Variants in ZNF532 observed in about 807,000 individuals in gnomAD.
The protein encoded by ZNF532 is zinc finger protein 532.
A neutral mutation model predicts 89.3 loss-of-function variants in ZNF532; 22 were observed. The ratio of observed to expected loss-of-function variants is 0.25; its 90% confidence interval spans 0.18 to 0.35. The LOEUF (loss-of-function observed/expected upper bound fraction) is 0.35, where lower values mean the gene tolerates loss of function less well. Ranked by LOEUF, ZNF532 falls within the 10% of genes least tolerant of loss-of-function variation. ZNF532 has a pLI of 1.00. For missense variants in ZNF532, 1,132 were observed against 1,643.4 expected, an observed-to-expected ratio of 0.69 and a Z score of 5.38; for synonymous variants, 606 against 649.6, an observed-to-expected ratio of 0.93 and a Z score of 1.02.
At chr18:58,944,259 GGA>G (rs2063464154) in intron 5 of ZNF532, among the ~76,000 whole-genome samples, 1 of 152,170 alleles carries the variant, frequency 6.6e-6, no homozygotes, top group Non-Finnish European at 1.5e-5. Context: ...GAAGTATTCT[GGA>G]GAGTTTGTTG....
chr18:58,887,221 G>C (rs977173411), intron 2 of ZNF532, among the ~76,000 whole-genome samples: 7 of 152,250 alleles, frequency 4.6e-5, no homozygotes, highest in Admixed American at 6.5e-5. Flanking sequence ...GTCTCCTGCA[G>C]TGGTTTGGTA....
At chr18:58,866,072 C>G (rs547158273) in intron 2 of ZNF532, among the ~76,000 whole-genome samples, 5 of 152,272 alleles carry the variant, frequency 3.3e-5, no homozygotes, top group African/African-American at 1.2e-4. Context: ...TTCACTCCGA[C>G]TCAAGTGGTG....
chr18:58,889,063 T>G (rs2058707127), intron 2 of ZNF532, among the ~76,000 whole-genome samples: 1 of 149,310 alleles, frequency 6.7e-6, no homozygotes, highest in African/African-American at 2.5e-5. Flanking sequence ...AATGAGCATT[T>G]GAGTGTTAAT....
chr18:58,871,250 C>T (rs1027068256), intron 2 of ZNF532, among the ~76,000 whole-genome samples: 11 of 152,092 alleles, frequency 7.2e-5, no homozygotes, highest in Non-Finnish European at 1.5e-4. Context: ...TAAACCTTTT[C>T]TTAGAGGTGG....
intron 2 of ZNF532, among the ~76,000 whole-genome samples, chr18:58,906,639 G>T (rs1339031623): frequency 6.6e-6 from 1 of 152,126 alleles, no homozygotes; most frequent in African/African-American, 2.4e-5. Flanking sequence ...CCGGTGCTGG[G>T]TTCACCTTCT....
At chr18:58,962,107 T>A (rs897254002) in intron 7 of ZNF532, among the ~76,000 whole-genome samples, 2 of 151,944 alleles carry the variant, frequency 1.3e-5, no homozygotes, top group Non-Finnish European at 2.9e-5. Flanking sequence ...GCATCTGTAG[T>A]CCCAGCTACT....
chr18:58,982,601 A>C (rs1204142655), intron 9 of ZNF532, among the ~76,000 whole-genome samples: 1 of 152,184 alleles, frequency 6.6e-6, no homozygotes, highest in African/African-American at 2.4e-5. Flanking sequence ...TAGTCTAGGC[A>C]ATAGAACGAG....
At chr18:58,871,176 A>G (rs927811053) in intron 2 of ZNF532, among the ~76,000 whole-genome samples, 1 of 152,176 alleles carries the variant, frequency 6.6e-6, no homozygotes, top group Admixed American at 6.5e-5. Context: ...AAATGTAGCT[A>G]AAACCTGCAG....
intron 7 of ZNF532, among the ~76,000 whole-genome samples, chr18:58,977,145 C>A (rs1182948739): frequency 6.6e-6 from 1 of 152,078 alleles, no homozygotes; most frequent in African/African-American, 2.4e-5. Flanking sequence ...TTCTCCTTTG[C>A]CCTTGTTTGG....
chr18:58,939,257 A>AC, intron 4 of ZNF532, among the ~76,000 whole-genome samples, 188 bp from the exon 5 acceptor site: 2 of 146,504 alleles, frequency 1.4e-5, no homozygotes, highest in Non-Finnish European at 3.0e-5. Flanking sequence ...AAAAAAAAAA[A>AC]AAAAAAAAAA....
intron 2 of ZNF532, among the ~76,000 whole-genome samples, chr18:58,879,248 T>C (rs927313276): frequency 6.6e-6 from 1 of 152,202 alleles, no homozygotes; most frequent in East Asian, 1.9e-4. Flanking sequence ...ATGCGATGCT[T>C]TCTAGAGAAT....
intron 3 of ZNF532, among the ~76,000 whole-genome samples, chr18:58,932,845 C>T (rs371620410): frequency 1.2e-4 from 19 of 152,146 alleles, no homozygotes; most frequent in African/African-American, 4.3e-4. Flanking sequence ...TATACACACA[C>T]ATGCATGTAC....
At chr18:58,874,022 C>T (rs1450276252) in intron 2 of ZNF532, among the ~76,000 whole-genome samples, 1 of 152,148 alleles carries the variant, frequency 6.6e-6, no homozygotes, top group Non-Finnish European at 1.5e-5. Flanking sequence ...GTGGTGAGCC[C>T]TTCCTACAAT....
At chr18:58,951,645 T>TGTTGTTTTTTTTG (rs2064171440) in intron 6 of ZNF532, among the ~76,000 whole-genome samples, 1 of 88,934 alleles carries the variant, frequency 1.1e-5, no homozygotes, top group Non-Finnish European at 2.0e-5. Flanking sequence ...CTCGCCCTGT[T>TGTTGTTTTTTTTG]GTTTTTTTTT....
chr18:58,916,918 A>G (rs1191882339), intron 2 of ZNF532, among the ~76,000 whole-genome samples: 1 of 152,220 alleles, frequency 6.6e-6, no homozygotes. Flanking sequence ...AAGATGTGGA[A>G]GGAGGCAACG....
chr18:58,949,691 A>G (rs1214961637), intron 6 of ZNF532, among the ~76,000 whole-genome samples: 1 of 152,210 alleles, frequency 6.6e-6, no homozygotes. Flanking sequence ...CAAACAAACA[A>G]AAAGTTACAC....
chr18:58,929,374 G>A (rs142766263), intron 3 of ZNF532, among the ~76,000 whole-genome samples: 1 of 152,278 alleles, frequency 6.6e-6, no homozygotes, highest in East Asian at 1.9e-4. Context: ...ATTCTCGTGA[G>A]CAGCCTCTGC....
chr18:58,951,924 C>T (rs190047639), intron 6 of ZNF532, among the ~76,000 whole-genome samples: 466 of 152,262 alleles, frequency 3.1e-3, no homozygotes, highest in Middle Eastern at 6.8e-3. Flanking sequence ...GCTGGGATTA[C>T]AGGCGTGAGC....
At chr18:58,867,586 G>T (rs1032680689) in intron 2 of ZNF532, among the ~76,000 whole-genome samples, 1 of 152,132 alleles carries the variant, frequency 6.6e-6, no homozygotes, top group Non-Finnish European at 1.5e-5. Context: ...GGAGAGCCAG[G>T]GGGGACCCGG....
Sources: allele counts gnomAD v4.1 joint callset (sites outside exome capture counted in the v4.1 genomes callset), GRCh38; gene constraint gnomAD v4.1.1; transcripts MANE v1.5; gene names NCBI Gene and HGNC (gene_info 2026-07-23, HGNC 2026-07-21).